Variants in GNAL observed in about 807,000 individuals in gnomAD.
The protein encoded by GNAL is G protein subunit alpha L, also known as guanine nucleotide-binding protein G(olf) subunit alpha.
Under a neutral mutation model 55.1 loss-of-function variants are expected in GNAL, and 18 were observed. The observed-to-expected ratio is 0.33, with a 90% CI of 0.23 to 0.48. The LOEUF (loss-of-function observed/expected upper bound fraction) is 0.48. GNAL is among the 20% of genes least tolerant of loss of function. The probability of loss-of-function intolerance (pLI) is 0.99; values close to 1 mark genes in which losing one functional copy is unlikely to be tolerated. For missense variants in GNAL, 412 were observed against 614.1 expected, an observed-to-expected ratio of 0.67 and a Z score of 3.48; for synonymous variants, 253 against 237.0, an observed-to-expected ratio of 1.07 and a Z score of -0.62.
chr18:11,756,449 T>G (rs1186864621), intron 4 of GNAL, among the ~76,000 whole-genome samples: 2 of 152,098 alleles, frequency 1.3e-5, no homozygotes, highest in Admixed American at 6.6e-5. Context: ...TTAGTTTTAC[T>G]GGTGTTTTTT....
At chr18:11,807,962 T>A (rs1055662550) in intron 4 of GNAL, among the ~76,000 whole-genome samples, 2 of 151,652 alleles carry the variant, frequency 1.3e-5, no homozygotes, top group African/African-American at 4.8e-5. Context: ...GAAAGCAGCC[T>A]GAATGTCATT....
Position 11,752,174 on chromosome 18 carries a change from G to A in GNAL, c.377-679G>A, listed in dbSNP as rs2032865640. The A allele has an allele frequency of 6.5e-6, 3 of 458,112 alleles. No homozygotes were observed. The highest frequency in any genetic ancestry group is 1.0e-5 in the Non-Finnish European group (3 of 286,262). 28.4% of individuals were successfully genotyped at this position (458,112 alleles called of 1,614,324 possible). On this transcript the variant is annotated intron_variant, in intron 1 of 11. Coordinates refer to ENST00000334049, the MANE Select transcript of GNAL (RefSeq NM_182978.4). This position sits in a 1 kb window ranked among gnomAD's most constrained non-coding sequence, Gnocchi z 4.5. The stretch of plus-strand genomic sequence containing the variant: ...CCGTTCATTGTGCTGTATTCATCCA[G>A]CAGATTTTGAAACAATTCTCGTGTA...
chr18:11,739,143 C>A (rs73944250), intron 1 of GNAL, among the ~76,000 whole-genome samples: 1,714 of 152,288 alleles, frequency 0.011, 26 homozygotes, highest in African/African-American at 0.04. Context: ...TCTTACAGAG[C>A]AGAGCATCTG....
intron 5 of GNAL, among the ~76,000 whole-genome samples, chr18:11,835,510 A>G (rs1398731845): frequency 6.6e-6 from 1 of 152,152 alleles, no homozygotes; most frequent in African/African-American, 2.4e-5. Context: ...AAATGTCAGA[A>G]TCTAAATAGT....
chr18:11,782,770 A>G (rs1429612707), intron 4 of GNAL, among the ~76,000 whole-genome samples: 1 of 152,248 alleles, frequency 6.6e-6, no homozygotes, highest in African/African-American at 2.4e-5. Flanking sequence ...TCCACATTAA[A>G]AAGAAAATTC....
At chr18:11,879,460 C>G (rs374745937) in intron 11 of GNAL, among the ~76,000 whole-genome samples, 23 of 152,300 alleles carry the variant, frequency 1.5e-4, no homozygotes, top group African/African-American at 5.5e-4. Context: ...GTATTTCTCA[C>G]AGCTCTGGAG....
intron 10 of GNAL, among the ~76,000 whole-genome samples, chr18:11,873,892 T>C (rs1189622678): frequency 6.6e-6 from 1 of 152,080 alleles, no homozygotes; most frequent in Non-Finnish European, 1.5e-5. Flanking sequence ...GGCCCTTCCC[T>C]CTTTCCCTCC....
chr18:11,697,658 G>A (rs924464447), intron 1 of GNAL, among the ~76,000 whole-genome samples: 3 of 152,122 alleles, frequency 2.0e-5, no homozygotes, highest in African/African-American at 4.8e-5. Context: ...TGGGCAAAAC[G>A]GAATCCCGGG....
At chr18:11,765,241 G>T (rs2033367969) in intron 4 of GNAL, among the ~76,000 whole-genome samples, 1 of 152,058 alleles carries the variant, frequency 6.6e-6, no homozygotes, top group South Asian at 2.1e-4. Flanking sequence ...GAATTAAAAG[G>T]CCACAAAGTA....
chr18:11,798,983 C>T (rs535024443), intron 4 of GNAL, among the ~76,000 whole-genome samples: 40 of 152,024 alleles, frequency 2.6e-4, no homozygotes, highest in African/African-American at 9.4e-4. Flanking sequence ...CACGGTGACG[C>T]ACGCCTGTAA....
chr18:11,737,302 C>A (rs1208591041), intron 1 of GNAL, among the ~76,000 whole-genome samples: 1 of 152,170 alleles, frequency 6.6e-6, no homozygotes, highest in Non-Finnish European at 1.5e-5. Flanking sequence ...GAGAAAATAG[C>A]TTGCTTCATT....
intron 4 of GNAL, among the ~76,000 whole-genome samples, chr18:11,767,340 C>A (rs1214468568): frequency 6.6e-6 from 1 of 151,706 alleles, no homozygotes; most frequent in East Asian, 1.9e-4. Flanking sequence ...TCTGTGTGCA[C>A]CCTTATGCTT....
rs369339021 is a variant in GNAL, at chr18:11,804,920, G to A, written c.625-19998G>A. 1.0e-3 allele frequency among the ~76,000 whole-genome samples: 134 copies of A among 128,828 alleles called. 2 individuals are homozygous for A. The South Asian group carries it at 0.029, about 28-fold the overall frequency. The allele number at this position is 128,828 out of a possible 152,430, so 84.5% of individuals were successfully genotyped here. On this transcript the variant is annotated intron_variant, in intron 4 of 11. Transcript: ENST00000334049. ...AGTGGTGCAGTACAGGTGCAGTTTG[G>A]GTGGAACACGGAGATACTGTGTAGT...
chr18:11,694,001 T>C (rs1001299100), intron 1 of GNAL, among the ~76,000 whole-genome samples: 1 of 151,834 alleles, frequency 6.6e-6, no homozygotes, highest in Non-Finnish European at 1.5e-5. Flanking sequence ...TACAGGTACA[T>C]GCTACCATGG....
intron 4 of GNAL, among the ~76,000 whole-genome samples, chr18:11,755,480 T>C (rs1225348838): frequency 6.6e-6 from 1 of 152,190 alleles, no homozygotes; most frequent in East Asian, 1.9e-4. Flanking sequence ...TTTCACCGTG[T>C]TAGCCAGGAT....
At chr18:11,845,643 T>A (rs1331478583) in intron 5 of GNAL, among the ~76,000 whole-genome samples, 1 of 150,788 alleles carries the variant, frequency 6.6e-6, no homozygotes, top group Non-Finnish European at 1.5e-5. Context: ...ACTAGAGGAG[T>A]CAGAGAGAAA....
chr18:11,709,352 A>G (rs2031786558), intron 1 of GNAL, among the ~76,000 whole-genome samples: 1 of 141,332 alleles, frequency 7.1e-6, no homozygotes, highest in Admixed American at 7.2e-5. Context: ...AAAAAAAGTC[A>G]TTAGGATTTC....
intron 5 of GNAL, among the ~76,000 whole-genome samples, chr18:11,849,568 A>G (rs899117835): frequency 7.9e-5 from 12 of 152,052 alleles, no homozygotes; most frequent in African/African-American, 2.9e-4. Flanking sequence ...TGGAAGCTGG[A>G]TAAGAAACTT....
intron 1 of GNAL, chr18:11,747,631 G>A (rs2032718559): frequency 6.6e-6 from 1 of 151,920 alleles, no homozygotes; most frequent in African/African-American, 2.4e-5. Context: ...GGATGGATAG[G>A]GGTACTGGGG....
Sources: allele counts gnomAD v4.1 joint callset (sites outside exome capture counted in the v4.1 genomes callset), GRCh38; gene constraint gnomAD v4.1.1; non-coding constraint Gnocchi (gnomAD v3.1); transcripts MANE v1.5; gene names NCBI Gene and HGNC (gene_info 2026-07-23, HGNC 2026-07-21).